Variants in DLGAP1 observed in about 807,000 individuals in gnomAD.
The protein encoded by DLGAP1 is disks large-associated protein 1.
A neutral mutation model predicts 90.8 loss-of-function variants in DLGAP1; 11 were observed. The observed-to-expected ratio is 0.12, with a 90% CI of 0.08 to 0.20. The LOEUF (loss-of-function observed/expected upper bound fraction) is 0.20. Ranked by LOEUF, DLGAP1 falls within the 10% of genes least tolerant of loss-of-function variation. The pLI is 1.00. For synonymous variants in DLGAP1, 558 were observed against 540.7 expected (o/e 1.03, Z -0.44); for missense variants, 1,050 against 1,333.8 (o/e 0.79, Z 3.31).
At chr18:3,628,283 G>C (rs756556610) in intron 7 of DLGAP1, among the ~76,000 whole-genome samples, 1 of 149,928 alleles carries the variant, frequency 6.7e-6, no homozygotes, top group Admixed American at 6.7e-5. Flanking sequence ...TCTGCCTCCC[G>C]GGTTCGAGCG....
At chr18:4,020,247 C>A (rs1000522182) in intron 2 of DLGAP1, among the ~76,000 whole-genome samples, 1 of 152,292 alleles carries the variant, frequency 6.6e-6, no homozygotes, top group Non-Finnish European at 1.5e-5. Flanking sequence ...TGGCCTGAAC[C>A]AGTCTTTCAG....
At chr18:3,600,819 G>GATATATAGAT (rs1182041175) in intron 7 of DLGAP1, among the ~76,000 whole-genome samples, 3 of 55,716 alleles carry the variant, frequency 5.4e-5, no homozygotes, top group Non-Finnish European at 1.1e-4. Flanking sequence ...GATATATATA[G>GATATATAGAT]ATATATAGAT....
At chr18:3,688,463 G>A (rs1390004854) in intron 7 of DLGAP1, among the ~76,000 whole-genome samples, 6 of 151,754 alleles carry the variant, frequency 4.0e-5, no homozygotes, top group African/African-American at 1.5e-4. Flanking sequence ...GTGAAATGCT[G>A]AAAAATTATT....
At chr18:4,071,907 C>T (rs1042839588) in intron 2 of DLGAP1, among the ~76,000 whole-genome samples, 7 of 152,206 alleles carry the variant, frequency 4.6e-5, no homozygotes, top group Non-Finnish European at 8.8e-5. Flanking sequence ...CCCCTCAGAG[C>T]TGTACTTCAA....
At chr18:4,006,168 T>G (rs2149085048) in intron 2 of DLGAP1, among the ~76,000 whole-genome samples, 1 of 152,332 alleles carries the variant, frequency 6.6e-6, no homozygotes, top group African/African-American at 2.4e-5. Context: ...TGCCACATCT[T>G]CATTTTATGA....
intron 3 of DLGAP1, among the ~76,000 whole-genome samples, chr18:3,925,716 A>T (rs954185524): frequency 6.6e-6 from 1 of 152,348 alleles, no homozygotes; most frequent in East Asian, 1.9e-4. Context: ...AAGAAAAAAA[A>T]CCCAATAAAG....
chr18:3,625,172 A>G (rs2058247137), intron 7 of DLGAP1, among the ~76,000 whole-genome samples: 1 of 152,206 alleles, frequency 6.6e-6, no homozygotes, highest in Admixed American at 6.5e-5. Flanking sequence ...AGCCCTAGTC[A>G]TTAAATGCCC....
At chr18:4,032,460 C>A (rs1223269404) in intron 2 of DLGAP1, among the ~76,000 whole-genome samples, 1 of 152,082 alleles carries the variant, frequency 6.6e-6, no homozygotes, top group African/African-American at 2.4e-5. Context: ...AATAAGAAAA[C>A]AAGACATAAC....
chr18:4,222,149 T>C (rs1384102267), intron 1 of DLGAP1, among the ~76,000 whole-genome samples: 1 of 152,182 alleles, frequency 6.6e-6, no homozygotes, highest in African/African-American at 2.4e-5. Context: ...TTTACTTAAA[T>C]AATGTTCAAA....
rs377329191 is a variant in DLGAP1 at position 3,612,281 on chromosome 18, G to T, written c.1592-30033C>A. On this transcript the variant is annotated intron_variant, in intron 7 of 12. Coordinates refer to ENST00000315677, the MANE Select transcript of DLGAP1 (RefSeq NM_004746.4). ...GTTGCTGAATCTCTATAAACATCTG[G>T]TTTTTATTGTCTAAAATGAGGATAA... Among the ~76,000 whole-genome samples, 21 of 152,262 alleles carry T rather than the reference G, an allele frequency of 1.4e-4. 1 individual carries two copies. In the South Asian group the frequency reaches 3.7e-3, roughly 27 times the overall value.
At chr18:3,862,004 C>T (rs1030958707) in intron 4 of DLGAP1, among the ~76,000 whole-genome samples, 1 of 152,226 alleles carries the variant, frequency 6.6e-6, no homozygotes, top group African/African-American at 2.4e-5. Flanking sequence ...GACGTTGACA[C>T]TTGTACATCA....
chr18:4,327,999 A>T (rs2080861458), intron 1 of DLGAP1, among the ~76,000 whole-genome samples: 1 of 150,300 alleles, frequency 6.7e-6, no homozygotes. Context: ...CTGAATTGTC[A>T]TAAATCCCCT....
intron 1 of DLGAP1, among the ~76,000 whole-genome samples, chr18:4,179,319 A>T (rs1216234083): frequency 1.3e-5 from 2 of 152,184 alleles, no homozygotes; most frequent in Non-Finnish European, 2.9e-5. Context: ...CGGCAACTGT[A>T]ACAGCTGTCA....
chr18:3,541,233 AAG>A (rs972074818), intron 9 of DLGAP1, among the ~76,000 whole-genome samples: 16 of 152,266 alleles, frequency 1.1e-4, no homozygotes, highest in Admixed American at 2.6e-4. Context: ...AAAAGGAAGA[AAG>A]AGAGAGAGAA....
At chr18:4,068,577 C>A (rs1166062037) in intron 2 of DLGAP1, among the ~76,000 whole-genome samples, 3 of 151,894 alleles carry the variant, frequency 2.0e-5, no homozygotes, top group Non-Finnish European at 4.4e-5. Context: ...GCATTTTTAA[C>A]GCATAAAATA....
chr18:4,229,062 T>C (rs2078248170), intron 1 of DLGAP1, among the ~76,000 whole-genome samples: 1 of 151,706 alleles, frequency 6.6e-6, no homozygotes, highest in Admixed American at 6.6e-5. Flanking sequence ...GAAATAGAAA[T>C]CAAGAAAATA....
At chr18:3,700,766 C>T (rs886326214) in intron 7 of DLGAP1, among the ~76,000 whole-genome samples, 1 of 152,022 alleles carries the variant, frequency 6.6e-6, no homozygotes, top group Non-Finnish European at 1.5e-5. Flanking sequence ...CCCACCACCA[C>T]GCCCGGCTAA....
At chr18:4,243,008 G>A (rs1322182307) in intron 1 of DLGAP1, among the ~76,000 whole-genome samples, 1 of 152,100 alleles carries the variant, frequency 6.6e-6, no homozygotes, top group East Asian at 1.9e-4. Flanking sequence ...TCATCACACT[G>A]GTTTGGTGAG....
intron 4 of DLGAP1, among the ~76,000 whole-genome samples, chr18:3,862,530 C>T (rs192982550): frequency 0.011 from 1,591 of 145,486 alleles, 27 homozygotes; most frequent in African/African-American, 0.038. Context: ...AGGTACAAAA[C>T]GCAGAGGAGC....
Sources: gnomAD v4.1 joint callset for allele counts (sites outside exome capture counted in the v4.1 genomes callset) on GRCh38, gnomAD v4.1.1 for gene constraint, MANE v1.5 for transcripts, NCBI Gene and HGNC (gene_info 2026-07-23, HGNC 2026-07-21) for gene names.